The following SFMBT2 variants were observed in gnomAD, a reference collection of about 807,000 sequenced individuals.
SFMBT2 encodes the protein scm-like with four MBT domains protein 2.
Under a neutral mutation model 110.1 loss-of-function variants are expected in SFMBT2, and 38 were observed. The ratio of observed to expected loss-of-function variants is 0.35; its 90% confidence interval spans 0.27 to 0.45. The LOEUF (loss-of-function observed/expected upper bound fraction) is 0.45. SFMBT2 is among the 20% of genes least tolerant of loss of function. The probability of loss-of-function intolerance (pLI) is 1.00; values close to 1 mark genes in which losing one functional copy is unlikely to be tolerated. For missense variants in SFMBT2, 1,011 were observed against 1,094.9 expected, an observed-to-expected ratio of 0.92 and a Z score of 1.08; for synonymous variants, 425 against 425.4, an observed-to-expected ratio of 1.00 and a Z score of 0.01.
chr10:7,171,968 C>T lies in SFMBT2; in HGVS notation c.2342G>A (p.Gly781Asp), dbSNP rs1390188189. The change falls in exon 19 of 21, where the codon GGC (glycine) becomes GAC (aspartate). Residue 781 changes from glycine (G) to aspartate (D), a missense_variant. By Grantham distance (94) the Gly-to-Asp change is moderately conservative. Coordinates refer to ENST00000397167, the MANE Select transcript of SFMBT2 (RefSeq NM_001387889.1). This position sits in a 1 kb window ranked among gnomAD's most constrained non-coding sequence, Gnocchi z 4.9. ...TGAGGAGGCAGCCGGCGCCCCGCGG[C>T]CCCTTCGTGTCCTCTCTGGGGGTGG... ...RRPPPERTRR[G>D]RGAPAASSAE... 1.3e-6 allele frequency: 2 copies of T among 1,507,250 alleles called. No individual in the cohort carries two copies. The highest frequency in any genetic ancestry group is 1.4e-5 in the African/African-American group (1 of 71,174). The allele number at this position is 1,507,250 out of a possible 1,614,324, so 93.4% of individuals were successfully genotyped here. A position where few individuals can be genotyped will look rare whatever the true frequency, so the allele number is the denominator to read the frequency against.
At chr10:7,243,511 C>T in intron 9 of SFMBT2, 47 bp downstream of exon 9, 1 of 864,924 alleles carries the variant, frequency 1.2e-6, no homozygotes, top group South Asian at 1.3e-5. Context: ...GACAGTAAGA[C>T]ACCCTCCTGA....
chr10:7,391,775 T>G (rs997319177), intron 1 of SFMBT2, among the ~76,000 whole-genome samples: 1 of 152,236 alleles, frequency 6.6e-6, no homozygotes, highest in African/African-American at 2.4e-5. Context: ...TGATAGTTTC[T>G]CTGTGGATTT....
chr10:7,259,354 C>T (rs1841125712), intron 7 of SFMBT2, among the ~76,000 whole-genome samples: 1 of 152,242 alleles, frequency 6.6e-6, no homozygotes, highest in South Asian at 2.1e-4. Flanking sequence ...GCTTCAGTCT[C>T]CAGAGCCTTC....
intron 20 of SFMBT2, chr10:7,164,171 G>C: frequency 2.1e-6 from 2 of 950,540 alleles, no homozygotes; most frequent in Non-Finnish European, 2.5e-6. Flanking sequence ...AGGATCGCTT[G>C]AGACCAGGAG....
At chr10:7,284,847 G>T (rs1842042964) in intron 5 of SFMBT2, 1 of 153,004 alleles carries the variant, frequency 6.5e-6, no homozygotes, top group Non-Finnish European at 1.5e-5. Context: ...AGCCAGCTTT[G>T]TAGGCAAATA....
At chr10:7,222,777 C>T (rs1460793259) in intron 10 of SFMBT2, among the ~76,000 whole-genome samples, 2 of 151,992 alleles carry the variant, frequency 1.3e-5, no homozygotes, top group African/African-American at 4.8e-5. Flanking sequence ...TCAAGCGATT[C>T]TCCTGCCTCA....
In SFMBT2 at chr10:7,289,650, C is replaced by T. The variant is rs542419362; in HGVS notation, c.437-3696G>A. ...TTTAGGTTAAAAAGTAGAAAAGAAA[C>T]GTTCTCAAGAATCTTGCTAATTTTA... On this transcript the variant is annotated intron_variant, in intron 4 of 20. Transcript: ENST00000397167. 5.9e-5 allele frequency among the ~76,000 whole-genome samples: 9 copies of T among 152,272 alleles called. No individual in the cohort carries two copies. In the South Asian group the frequency reaches 1.5e-3, roughly 25 times the overall value.
intron 2 of SFMBT2, among the ~76,000 whole-genome samples, chr10:7,372,638 G>A (rs1028278938): frequency 2.0e-5 from 3 of 152,184 alleles, no homozygotes; most frequent in South Asian, 2.1e-4. Context: ...GAAAGCAGCC[G>A]TCTCCTGGAA....
intron 2 of SFMBT2, among the ~76,000 whole-genome samples, chr10:7,375,758 C>T (rs1413142126): frequency 1.3e-5 from 1 of 75,186 alleles, no homozygotes; most frequent in African/African-American, 6.8e-5. Flanking sequence ...AAACCACACA[C>T]ACACACACAC....
intron 7 of SFMBT2, among the ~76,000 whole-genome samples, chr10:7,271,562 G>A (rs1236220214): frequency 6.6e-6 from 1 of 152,174 alleles, no homozygotes; most frequent in Non-Finnish European, 1.5e-5. Flanking sequence ...AAGTTCATCT[G>A]GGCCAGGGTC....
intron 7 of SFMBT2, chr10:7,264,266 G>T: frequency 4.2e-6 from 1 of 239,882 alleles, no homozygotes; most frequent in Non-Finnish European, 6.8e-6. Flanking sequence ...AACCAAACCA[G>T]ACTCAATGCA....
At chr10:7,204,040 CAG>C (rs1839046476) in intron 12 of SFMBT2, 1 of 243,718 alleles carries the variant, frequency 4.1e-6, no homozygotes, top group Non-Finnish European at 6.6e-6. Flanking sequence ...TTTTAAGAGA[CAG>C]GGGAAAAGAA....
At chr10:7,288,429 G>A (rs116870035) in intron 4 of SFMBT2, among the ~76,000 whole-genome samples, 2 of 152,048 alleles carry the variant, frequency 1.3e-5, no homozygotes, top group African/African-American at 4.8e-5. Flanking sequence ...TACTCACATG[G>A]AAATACAAAC....
intron 4 of SFMBT2, among the ~76,000 whole-genome samples, chr10:7,319,610 G>A (rs766179165): frequency 4.6e-5 from 7 of 152,202 alleles, no homozygotes; most frequent in Non-Finnish European, 1.0e-4. Flanking sequence ...TTTGTAGCAT[G>A]TAAGCTACAG....
rs749836724 is a variant in SFMBT2, at chr10:7,163,732, G to A, written c.*38C>T. The stretch of plus-strand genomic sequence containing the variant: ...AGTCCTGGAAACCTTTACCAACACC[G>A]CATCCCAGCAATAATGGGCCACCTC... On this transcript the variant is annotated 3_prime_UTR_variant, in exon 21 of 21. Coordinates refer to ENST00000397167, the MANE Select transcript of SFMBT2 (RefSeq NM_001387889.1). This position sits in a 1 kb window ranked among gnomAD's most constrained non-coding sequence, Gnocchi z 4.8. The A allele has an allele frequency of 3.2e-5, 50 of 1,573,826 alleles. No homozygotes were observed. The highest frequency in any genetic ancestry group is 8.5e-5 in the Admixed American group (5 of 59,046).
In SFMBT2 at chr10:7,172,039, G is replaced by C. The variant is rs370293109; in HGVS notation, c.2271C>G (p.Pro757=). The C allele has an allele frequency of 6.3e-7, 1 of 1,591,616 alleles. No homozygotes were observed. The highest frequency in any genetic ancestry group is 1.3e-5 in the African/African-American group (1 of 74,438). The change falls in exon 19 of 21, where the codon CCC becomes CCG. Residue 757 remains proline (P), a synonymous_variant. Transcript: ENST00000397167. The surrounding 1 kb of genome is among the most constrained non-coding windows in gnomAD (Gnocchi z 4.6). ...CGCTCCGCAGGGTGACGGCCCTCCGGGGCCGGGCCGAGGGCACCTCCGCCG... is the reference window on the plus strand; with the variant it reads ...CGCTCCGCAGGGTGACGGCCCTCCGCGGCCGGGCCGAGGGCACCTCCGCCG... ...TSSAEVPSAR[P]RRAVTLRSGS...
chr10:7,167,275 T>C (rs1837721624), intron 20 of SFMBT2, among the ~76,000 whole-genome samples: 1 of 152,158 alleles, frequency 6.6e-6, no homozygotes, highest in Non-Finnish European at 1.5e-5. Context: ...TAGGTAAAAT[T>C]TTATTTAGAG....
intron 4 of SFMBT2, among the ~76,000 whole-genome samples, chr10:7,355,006 T>C (rs1344361880): frequency 6.6e-6 from 1 of 152,180 alleles, no homozygotes. Flanking sequence ...AAATTAACTA[T>C]TTAGTTAAAA....
At chr10:7,234,679 G>A (rs774427858) in intron 9 of SFMBT2, among the ~76,000 whole-genome samples, 11 of 152,204 alleles carry the variant, frequency 7.2e-5, no homozygotes, top group South Asian at 2.1e-4. Context: ...TCCAGTAGCC[G>A]GGCGGGACGA....
Sources: allele counts gnomAD v4.1 joint callset (sites outside exome capture counted in the v4.1 genomes callset), GRCh38; gene constraint gnomAD v4.1.1; non-coding constraint Gnocchi (gnomAD v3.1); transcripts MANE v1.5; gene names NCBI Gene and HGNC (gene_info 2026-07-23, HGNC 2026-07-21).